Variants in NEB observed in about 807,000 individuals in gnomAD.
The protein encoded by NEB is nebulin.
Under a neutral mutation model 952.2 loss-of-function variants are expected in NEB, and 512 were observed. That is an observed-to-expected ratio of 0.54 (90% CI 0.50 to 0.58). The LOEUF (loss-of-function observed/expected upper bound fraction) is 0.58. Ranked by LOEUF, NEB falls within the 20% of genes least tolerant of loss-of-function variation. NEB has a pLI of 0.00. For synonymous variants in NEB, 2,900 were observed against 3,149.8 expected, an observed-to-expected ratio of 0.92 and a Z score of 2.66; for missense variants, 8,428 against 9,231.1, an observed-to-expected ratio of 0.91 and a Z score of 3.56.
At chr2:151,546,547 G>T in intron 133 of NEB, 104 bp from the exon 134 acceptor site, 2 of 576,224 alleles carry the variant, frequency 3.5e-6, no homozygotes, top group Non-Finnish European at 5.8e-6. Flanking sequence ...CTTTCATTTT[G>T]GTTCATCTAC....
rs2098010931 is a variant in NEB at position 151,612,319 on chromosome 2, T to G, written c.11672A>C (p.Glu3891Ala). 4 of 1,613,770 alleles carry G rather than the reference T, an allele frequency of 2.5e-6. No homozygotes were observed. Among genetic ancestry groups the G allele is most frequent in the Non-Finnish European group, 8.5e-7 (1 of 1,179,844 alleles). ...GWVPIGSVEV[E>A]KVKRAGEILS... ...GATTTCTCCAGCTCTCTTCACTTTC[T>G]CGACCTCTACAGAGCCAATGGGAAC... The change falls in exon 78 of 182, where the codon GAG (glutamate) becomes GCG (alanine). Residue 3891 changes from glutamate to alanine, a missense_variant. Coordinates refer to ENST00000397345, the MANE Select transcript of NEB (RefSeq NM_001164508.2).
Position 151,490,387 on chromosome 2 carries a change from A to G in NEB, c.25282T>C (p.Phe8428Leu). ...GCACTTGTACCTGTTGAGACTGCAA[A>G]GACACCCCCGTCGCTGTAAGTCGAA... ...HLSTYSDGGV[F>L]AVSTAYKHAK... The change falls in exon 180 of 182, where the codon TTT becomes CTT. Residue 8428 changes from phenylalanine (F) to leucine (L), a missense_variant. Coordinates refer to ENST00000397345, the MANE Select transcript of NEB (RefSeq NM_001164508.2). The G allele has an allele frequency of 6.3e-7, 1 of 1,591,332 alleles. No individual in the cohort carries two copies.
chr2:151,499,616 A>G lies in NEB; in HGVS notation c.24022-226T>C, dbSNP rs2062899810. 16 of 354,884 alleles carry G rather than the reference A, an allele frequency of 4.5e-5. No homozygotes were observed. In the South Asian group the frequency reaches 6.2e-4, roughly 14 times the overall value. The allele number at this position is 354,884 out of a possible 1,614,324, so 22.0% of individuals were successfully genotyped here. ...TCATCATCTTTTTATTGTAACTTGA[A>G]TATATTTATTTCCTGTGCCAGGAAT... On this transcript the variant is annotated intron_variant, in intron 168 of 181. Transcript: ENST00000397345.
chr2:151,557,179 AGG>A (rs1163090826), intron 124 of NEB, among the ~76,000 whole-genome samples: 1 of 152,196 alleles, frequency 6.6e-6, no homozygotes, highest in African/African-American at 2.4e-5. Flanking sequence ...AAAATGATAA[AGG>A]GGATATCACC....
At chr2:151,696,536 T>G (rs2099597546) in intron 17 of NEB, 101 bp downstream of exon 17, 1 of 882,044 alleles carries the variant, frequency 1.1e-6, no homozygotes, top group African/African-American at 1.7e-5. Context: ...AATACTTACT[T>G]AGCCTTTTGA....
intron 124 of NEB, among the ~76,000 whole-genome samples, chr2:151,559,024 T>A (rs982088231): frequency 3.9e-5 from 6 of 152,012 alleles, no homozygotes; most frequent in Non-Finnish European, 8.8e-5. Flanking sequence ...TGGGAAAAAA[T>A]TTCTGCAATC....
chr2:151,569,477 C>G, intron 109 of NEB, 105 bp from the exon 110 acceptor site: 1 of 856,926 alleles, frequency 1.2e-6, no homozygotes, highest in South Asian at 1.4e-5. Context: ...CTATATAAGC[C>G]AAGGAGGACA....
chr2:151,508,982 A>AACTT (rs1289277656), intron 161 of NEB, among the ~76,000 whole-genome samples: 1 of 152,182 alleles, frequency 6.6e-6, no homozygotes, highest in East Asian at 1.9e-4. Context: ...TCTCTAGCTT[A>AACTT]ACTTAGCTCC....
At position 151,639,519 on chromosome 2, in the gene NEB, T is replaced by A. The variant is rs1016791825; in HGVS notation, c.8890-135A>T. On this transcript the variant is annotated intron_variant, in intron 62 of 181. Transcript: ENST00000397345. Reference sequence around the variant, plus strand: ...ATACACATTATGTGTTTTATGCACATCTTCGGGTAATAAGTTCATAAAGGA... The same window carrying A: ...ATACACATTATGTGTTTTATGCACAACTTCGGGTAATAAGTTCATAAAGGA... 6 of 629,172 alleles carry A rather than the reference T, an allele frequency of 9.5e-6. No homozygotes were observed. The East Asian group carries it at 1.7e-4, about 18-fold the overall frequency. 39.0% of individuals were successfully genotyped at this position (629,172 alleles called of 1,614,324 possible).
chr2:151,702,880 A>T (rs2099681606), intron 13 of NEB, among the ~76,000 whole-genome samples: 1 of 151,704 alleles, frequency 6.6e-6, no homozygotes, highest in Non-Finnish European at 1.5e-5. Flanking sequence ...TAAAGTTAAT[A>T]TTGTTATGTG....
At chr2:151,506,126 G>A in intron 164 of NEB, 40 bp downstream of exon 164, 1 of 1,498,918 alleles carries the variant, frequency 6.7e-7, no homozygotes, top group Non-Finnish European at 9.3e-7. Context: ...TTATCAAAGG[G>A]AGGCAGAAAA....
rs748600035 is a variant in NEB at position 151,633,697 on chromosome 2, C to A, written c.9371G>T (p.Ser3124Ile). 6.2e-7 allele frequency: 1 copy of A among 1,613,866 alleles called. No homozygotes were observed. The highest frequency in any genetic ancestry group is 8.5e-7 in the Non-Finnish European group (1 of 1,179,802). Reference sequence around the variant, plus strand: ...GGCCTGCCGAGCATGGATGACATCGCTCTGGTCAGGCAGGCATGTCCACTC... The same window carrying A: ...GGCCTGCCGAGCATGGATGACATCGATCTGGTCAGGCAGGCATGTCCACTC... ...LHEWTCLPDQ[S>I]DVIHARQAYD... The change falls in exon 65 of 182, where the codon AGC becomes ATC. Residue 3124 changes from serine (S) to isoleucine (I), a missense_variant. Ser to Ile is a moderately radical substitution (Grantham distance 142). Around this residue, in one of 11 missense-constraint regions of NEB, gnomAD observed 1,772 missense variants for 1,960.3 expected, o/e 0.90. Coordinates refer to ENST00000397345, the MANE Select transcript of NEB (RefSeq NM_001164508.2).
intron 27 of NEB, among the ~76,000 whole-genome samples, chr2:151,686,436 A>T (rs764832719): frequency 2.6e-5 from 4 of 152,226 alleles, no homozygotes; most frequent in Admixed American, 6.5e-5. Flanking sequence ...AAAAATACAC[A>T]TGCTATCAAT....
intron 13 of NEB, among the ~76,000 whole-genome samples, chr2:151,705,424 G>A (rs1362475266): frequency 6.6e-6 from 1 of 152,128 alleles, no homozygotes; most frequent in Non-Finnish European, 1.5e-5. Flanking sequence ...TAATAAGGAT[G>A]TTTTTCACTT....
At chr2:151,555,077 T>G (rs1443843661) in intron 124 of NEB, 33 bp from the exon 125 acceptor site, 2 of 1,398,622 alleles carry the variant, frequency 1.4e-6, no homozygotes, top group African/African-American at 2.8e-5. Flanking sequence ...AAGAAACAGT[T>G]TTAGAGAGTA....
intron 9 of NEB, 37 bp from the exon 10 acceptor site, chr2:151,717,557 G>A (rs1014506164): frequency 2.2e-5 from 32 of 1,434,508 alleles, no homozygotes; most frequent in African/African-American, 2.8e-5. Context: ...TTTTAAAAAC[G>A]ATTATGCTTT....
In NEB at chr2:151,694,444, G is replaced by C; in HGVS notation, c.1783-8C>G. 1.2e-6 allele frequency: 2 copies of C among 1,612,962 alleles called. No individual in the cohort carries two copies. The highest frequency in any genetic ancestry group is 1.7e-6 in the Non-Finnish European group (2 of 1,179,146). On this transcript the variant is annotated splice_polypyrimidine_tract_variant and splice_region_variant and intron_variant, in intron 19 of 181. Coordinates refer to ENST00000397345, the MANE Select transcript of NEB (RefSeq NM_001164508.2). ...GTCTTTCTTGTACATCACCTGCAAA[G>C]ACATCACACATGCCAGATTCCACTC...
chr2:151,644,324 A>C, intron 56 of NEB, 144 bp downstream of exon 56: 1 of 1,050,916 alleles, frequency 9.5e-7, no homozygotes, highest in East Asian at 2.5e-5. Context: ...CCTTGATCTT[A>C]TCCTCATCCC....
intron 47 of NEB, 43 bp downstream of exon 47, chr2:151,659,022 A>G: frequency 7.5e-7 from 1 of 1,341,094 alleles, no homozygotes; most frequent in South Asian, 1.2e-5. Context: ...ACTGGTTCAA[A>G]TCTGCTGGAG....
Sources: gnomAD v4.1 joint callset for allele counts (sites outside exome capture counted in the v4.1 genomes callset) on GRCh38, gnomAD v4.1.1 for gene constraint, gnomAD v4.1.1 regional missense constraint, MANE v1.5 for transcripts, NCBI Gene and HGNC (gene_info 2026-07-23, HGNC 2026-07-21) for gene names.